The following TMEM131 variants were observed in gnomAD, a reference collection of about 807,000 sequenced individuals.
TMEM131 encodes the protein transmembrane protein 131.
TMEM131 carries 66 observed loss-of-function variants against 211.6 expected under a neutral mutation model. That is an observed-to-expected ratio of 0.31 (90% CI 0.26 to 0.38). The LOEUF is 0.38. TMEM131 is among the 10% of genes least tolerant of loss of function. The pLI is 1.00. For missense variants in TMEM131, 2,036 were observed against 2,299.3 expected (o/e 0.89, Z 2.34); for synonymous variants, 844 against 841.3 (o/e 1.00, Z -0.06).
chr2:97,943,946 G>A (rs987751648), intron 1 of TMEM131, among the ~76,000 whole-genome samples: 1 of 152,142 alleles, frequency 6.6e-6, no homozygotes, highest in Non-Finnish European at 1.5e-5. Flanking sequence ...GCTGGGCATG[G>A]TGGTGCGCGC....
At position 97,757,347 on chromosome 2, in the gene TMEM131, T is replaced by C; in HGVS notation, c.5404A>G (p.Thr1802Ala). The part of the protein sequence containing the change: ...LGNTSGLWST[T>A]PFSSSIWSSN... ...GACCAAATGGAGCTGCTGAATGGAGTGGTGGACCACAGGCCGCTGGTGTTA... is the reference window on the plus strand; with the variant it reads ...GACCAAATGGAGCTGCTGAATGGAGCGGTGGACCACAGGCCGCTGGTGTTA... Residue 1802 changes from threonine (T) to alanine (A), a missense_variant, in exon 41 of 41, where the codon ACT (threonine) becomes GCT (alanine). Transcript: ENST00000186436. The C allele has an allele frequency of 6.2e-7, 1 of 1,612,046 alleles. No individual in the cohort carries two copies. The highest frequency in any genetic ancestry group is 8.5e-7 in the Non-Finnish European group (1 of 1,178,752).
intron 4 of TMEM131, among the ~76,000 whole-genome samples, chr2:97,873,389 C>T (rs919835827): frequency 1.3e-5 from 2 of 152,134 alleles, no homozygotes; most frequent in Non-Finnish European, 2.9e-5. Flanking sequence ...GCACAGCGTT[C>T]GAGCTCTGCT....
At position 97,800,681 on chromosome 2, in the gene TMEM131, C is replaced by T. The variant is rs149368838; in HGVS notation, c.2718+1214G>A. 1.4e-3 allele frequency among the ~76,000 whole-genome samples: 218 copies of T among 151,798 alleles called. 1 individual carries two copies. Among genetic ancestry groups the T allele is most frequent in the African/African-American group, 4.9e-3 (204 of 41,364 alleles). ...CTGAGGCAGGAGAATTGCACAAACC[C>T]GGGCAGCAGAGGTTGCAATGAGCTG... is the stretch of plus-strand genomic sequence containing the variant. On this transcript the variant is annotated intron_variant, in intron 25 of 40. Coordinates refer to ENST00000186436, the MANE Select transcript of TMEM131 (RefSeq NM_015348.2).
intron 8 of TMEM131, among the ~76,000 whole-genome samples, chr2:97,836,768 T>C (rs1164361388): frequency 6.6e-6 from 1 of 152,160 alleles, no homozygotes; most frequent in Non-Finnish European, 1.5e-5. Flanking sequence ...GTAAAGCACA[T>C]CATAAATTAT....
At position 97,792,762 on chromosome 2, in the gene TMEM131, A is replaced by G. The variant is rs1276952362; in HGVS notation, c.3768T>C (p.Ser1256=). ...RTSAQAASSQ[S]ANKTSPLVLD... ...AGACAAGGGGGCTTGTTTTGTTAGC[A>G]GACTGTGAAGAAGCTGCTTGAGCAG... is the stretch of plus-strand genomic sequence containing the variant. Residue 1256 remains serine, a synonymous_variant, in exon 31 of 41, where the codon TCT becomes TCC. Transcript: ENST00000186436. 2.5e-6 allele frequency: 4 copies of G among 1,614,044 alleles called. No individual in the cohort carries two copies. Among genetic ancestry groups the G allele is most frequent in the South Asian group, 1.1e-5 (1 of 91,086 alleles).
At position 97,984,769 on chromosome 2, in the gene TMEM131, T is replaced by C. The variant is rs906354983; in HGVS notation, c.187+10707A>G. 7.3e-5 allele frequency among the ~76,000 whole-genome samples: 11 copies of C among 151,480 alleles called. No individual in the cohort carries two copies. The South Asian group carries it at 8.3e-4, about 11-fold the overall frequency. The stretch of plus-strand genomic sequence containing the variant: ...TTGATACATCAATACTCATGAGGGA[T>C]CATATCGATATAATAGCTTTTTAAA... On this transcript the variant is annotated intron_variant, in intron 1 of 40. Transcript: ENST00000186436.
chr2:97,991,441 G>T (rs1004843621), intron 1 of TMEM131, among the ~76,000 whole-genome samples: 6 of 152,158 alleles, frequency 3.9e-5, no homozygotes, highest in African/African-American at 1.4e-4. Context: ...GATGCCACTT[G>T]GTGAAGGGTC....
chr2:97,794,903 T>C, intron 29 of TMEM131, 27 bp downstream of exon 29: 1 of 1,539,386 alleles, frequency 6.5e-7, no homozygotes, highest in South Asian at 1.2e-5. Context: ...GTTGAATGAA[T>C]ATGAACCTTG....
Position 97,759,683 on chromosome 2 carries a change from G to A in TMEM131, c.5175C>T (p.Ser1725=), listed in dbSNP as rs755678858. 5.6e-5 allele frequency: 90 copies of A among 1,613,504 alleles called. No individual in the cohort carries two copies. The highest frequency in any genetic ancestry group is 2.0e-4 in the South Asian group (18 of 90,950). ...TTAGATTAAAAGAGTTTCCAAAGGC[G>A]GAGAACGAATTGAGGGGAGTGAAGT... The part of the protein sequence containing the change: ...SPDFTPLNSF[S]AFGNSFNLTG... The change falls in exon 39 of 41, where the codon TCC becomes TCT. Residue 1725 remains serine (S), a synonymous_variant. Transcript: ENST00000186436.
At chr2:97,855,699 C>CAAAA (rs36041076) in intron 5 of TMEM131, among the ~76,000 whole-genome samples, 1 of 121,116 alleles carries the variant, frequency 8.3e-6, no homozygotes, top group East Asian at 2.8e-4. Flanking sequence ...GACCCTGTCT[C>CAAAA]AAAAAAAAAA....
intron 4 of TMEM131, among the ~76,000 whole-genome samples, chr2:97,878,258 T>A (rs2104177562): frequency 6.6e-6 from 1 of 152,304 alleles, no homozygotes; most frequent in Non-Finnish European, 1.5e-5. Flanking sequence ...GGTGGGCAGG[T>A]AAATTAGTTC....
intron 19 of TMEM131, among the ~76,000 whole-genome samples, chr2:97,806,672 G>A (rs62154516): frequency 0.072 from 10,960 of 152,246 alleles, 470 homozygotes; most frequent in Middle Eastern, 0.12. Flanking sequence ...AATAATTTAC[G>A]TAATCCTCCA....
intron 2 of TMEM131, among the ~76,000 whole-genome samples, chr2:97,919,745 T>G (rs1468287600): frequency 6.6e-6 from 1 of 152,130 alleles, no homozygotes; most frequent in Admixed American, 6.6e-5. Context: ...TACTTTGGTA[T>G]TTTTAGTAGA....
chr2:97,880,475 A>C (rs1221166707), intron 4 of TMEM131, among the ~76,000 whole-genome samples: 2 of 152,080 alleles, frequency 1.3e-5, no homozygotes, highest in African/African-American at 4.8e-5. Flanking sequence ...TTAAGAGGAG[A>C]GGGGTAAGTA....
intron 9 of TMEM131, 27 bp from the exon 10 acceptor site, chr2:97,834,704 A>AT: frequency 1.3e-6 from 2 of 1,595,316 alleles, no homozygotes; most frequent in Non-Finnish European, 1.7e-6. Context: ...GTCAACAATT[A>AT]TTTTTCACTT....
At chr2:97,802,041 G>T in intron 24 of TMEM131, 80 bp from the exon 25 acceptor site, 2 of 940,112 alleles carry the variant, frequency 2.1e-6, no homozygotes, top group Non-Finnish European at 3.2e-6. Context: ...TCAGGTGTGT[G>T]CTTTATTTTC....
intron 1 of TMEM131, among the ~76,000 whole-genome samples, chr2:97,988,090 G>A (rs1352157193): frequency 1.4e-5 from 2 of 139,550 alleles, no homozygotes; most frequent in Non-Finnish European, 3.3e-5. Flanking sequence ...AAATAGTCTG[G>A]TACTGGCATA....
At position 97,795,974 on chromosome 2, in the gene TMEM131, A is replaced by G. The variant is rs369411537; in HGVS notation, c.3200+244T>C. On this transcript the variant is annotated intron_variant, in intron 28 of 40. Transcript: ENST00000186436. ...TCTAAGATTATCTGATCCACTTCGG[A>G]GATAAAGTTTTATAACTTTTGAAAA... Among the ~76,000 whole-genome samples, 5 of 152,280 alleles carry G rather than the reference A, an allele frequency of 3.3e-5. 1 individual carries two copies. Among genetic ancestry groups the G allele is most frequent in the African/African-American group, 2.4e-5 (1 of 41,574 alleles).
intron 1 of TMEM131, among the ~76,000 whole-genome samples, chr2:97,933,802 T>C (rs1398060752): frequency 3.3e-5 from 5 of 152,110 alleles, no homozygotes; most frequent in Non-Finnish European, 7.4e-5. Flanking sequence ...GAAAAACACA[T>C]GATCATATCA....
Sources: allele counts gnomAD v4.1 joint callset (sites outside exome capture counted in the v4.1 genomes callset), GRCh38; gene constraint gnomAD v4.1.1; transcripts MANE v1.5; gene names NCBI Gene and HGNC (gene_info 2026-07-23, HGNC 2026-07-21).